Variants in MIB1 observed in about 807,000 individuals in gnomAD.
MIB1 encodes E3 ubiquitin-protein ligase MIB1.
A neutral mutation model predicts 124.5 loss-of-function variants in MIB1; 278 were observed. The ratio of observed to expected loss-of-function variants is 2.23; its 90% CI spans 2.02 to 2.47. The LOEUF (loss-of-function observed/expected upper bound fraction) is 2.47. Ranked by LOEUF, MIB1 falls within the 30% of genes most tolerant of loss-of-function variation. The probability of loss-of-function intolerance (pLI) is 0.00; values close to 1 mark genes in which losing one functional copy is unlikely to be tolerated. For synonymous variants in MIB1, 446 were observed against 429.4 expected, an observed-to-expected ratio of 1.04 and a Z score of -0.48; for missense variants, 957 against 1,254.4, an observed-to-expected ratio of 0.76 and a Z score of 3.58.
intron 6 of MIB1, among the ~76,000 whole-genome samples, chr18:21,789,399 T>C: frequency 6.6e-6 from 1 of 152,124 alleles, no homozygotes; most frequent in Non-Finnish European, 1.5e-5. Context: ...TGATTACATA[T>C]GTAAAGTCCC....
intron 9 of MIB1, among the ~76,000 whole-genome samples, chr18:21,800,659 T>C (rs2041640914): frequency 6.6e-6 from 1 of 152,090 alleles, no homozygotes; most frequent in South Asian, 2.1e-4. Flanking sequence ...ATTCTCACTG[T>C]GTTGTAAGGG....
intron 1 of MIB1, among the ~76,000 whole-genome samples, chr18:21,755,067 AT>A (rs112718729): frequency 2.0e-5 from 3 of 149,346 alleles, no homozygotes; most frequent in South Asian, 4.3e-4. Flanking sequence ...TCTTTAAGTC[AT>A]TTTTTTTTCA....
intron 1 of MIB1, among the ~76,000 whole-genome samples, chr18:21,742,037 A>G (rs1383426876): frequency 6.6e-6 from 1 of 152,212 alleles, no homozygotes; most frequent in Non-Finnish European, 1.5e-5. Flanking sequence ...TGGCAGCACC[A>G]TCACCGGGAT....
At chr18:21,809,793 A>G (rs1040769584) in intron 10 of MIB1, among the ~76,000 whole-genome samples, 13 of 152,120 alleles carry the variant, frequency 8.5e-5, no homozygotes, top group African/African-American at 2.9e-4. Context: ...CACAGTGAAC[A>G]TGATATTCAA....
rs145220259 is a variant in MIB1 at position 21,778,170 on chromosome 18, G to C, written c.703+1G>C. On this transcript the variant is annotated splice_donor_variant, in intron 5 of 20. Transcript: ENST00000261537. LOFTEE classifies it high-confidence loss of function. ...TACAGAGATCACTGCCCTGTGCTAG[G>C]TGAGTGAGAAGATTAGAGAGTATTA... The C allele has an allele frequency of 1.9e-6, 3 of 1,594,720 alleles. No individual in the cohort carries two copies. In the South Asian group the frequency reaches 3.3e-5, roughly 18 times the overall value.
chr18:21,724,766 A>G (rs1186619181), intron 1 of MIB1, among the ~76,000 whole-genome samples: 1 of 111,172 alleles, frequency 9.0e-6, no homozygotes, highest in East Asian at 2.7e-4. Context: ...ATATATATAT[A>G]TATATATTAG....
At chr18:21,731,362 T>G (rs1568178032) in intron 1 of MIB1, among the ~76,000 whole-genome samples, 1 of 152,220 alleles carries the variant, frequency 6.6e-6, no homozygotes, top group Admixed American at 6.5e-5. Flanking sequence ...TATTATTCTA[T>G]TGTATGACTA....
At chr18:21,729,903 T>C (rs1413458516) in intron 1 of MIB1, among the ~76,000 whole-genome samples, 1 of 152,208 alleles carries the variant, frequency 6.6e-6, no homozygotes, top group East Asian at 1.9e-4. Context: ...CATGCATTTT[T>C]TGGGGGACAA....
intron 1 of MIB1, among the ~76,000 whole-genome samples, chr18:21,746,945 T>C (rs536266668): frequency 3.9e-5 from 6 of 152,294 alleles, no homozygotes; most frequent in African/African-American, 1.4e-4. Flanking sequence ...AATGAATTAA[T>C]AATCCTCAGC....
chr18:21,743,143 T>C (rs1020917283), intron 1 of MIB1, among the ~76,000 whole-genome samples: 1 of 152,184 alleles, frequency 6.6e-6, no homozygotes, highest in Non-Finnish European at 1.5e-5. Context: ...AATGAAAAGA[T>C]TCAACAGCAC....
chr18:21,768,383 A>G (rs1338982674), intron 2 of MIB1, among the ~76,000 whole-genome samples: 3 of 152,320 alleles, frequency 2.0e-5, no homozygotes, highest in South Asian at 4.1e-4. Context: ...GTGCTTTTAC[A>G]TATTATATAA....
In MIB1 at chr18:21,865,639, T is replaced by G. The variant is rs2042315173; in HGVS notation, c.*973T>G. The stretch of plus-strand genomic sequence containing the variant: ...CCCAGTGATCTGCAAAATTAATGCC[T>G]TTTCCAAGAAAAAATCTTTTCTTCT... On this transcript the variant is annotated 3_prime_UTR_variant, in exon 21 of 21. Coordinates refer to ENST00000261537, the MANE Select transcript of MIB1 (RefSeq NM_020774.4). 1 of 152,636 alleles carries G rather than the reference T, an allele frequency of 6.6e-6. No individual in the cohort carries two copies. Among genetic ancestry groups the G allele is most frequent in the African/African-American group, 2.4e-5 (1 of 41,458 alleles). The allele number at this position is 152,636 out of a possible 1,614,324, so 9.5% of individuals were successfully genotyped here.
intron 20 of MIB1, among the ~76,000 whole-genome samples, chr18:21,860,238 C>G (rs753405556): frequency 1.3e-5 from 2 of 148,462 alleles, no homozygotes; most frequent in Non-Finnish European, 1.5e-5. Flanking sequence ...GTAGCTGGGA[C>G]TACAGGTGCA....
intron 12 of MIB1, among the ~76,000 whole-genome samples, chr18:21,837,325 G>A (rs187526493): frequency 2.6e-5 from 4 of 152,260 alleles, no homozygotes; most frequent in African/African-American, 4.8e-5. Context: ...TGGCTAACAC[G>A]GTGAAACCCC....
In MIB1 at chr18:21,844,128, G is replaced by A; in HGVS notation, c.2086G>A (p.Asp696Asn). ...TGCAGGTGCCAAGCTTGATATTCAG[G>A]ATAAGGATGGGGATACTCCTTTGCA... ...VRAGAKLDIQ[D>N]KDGDTPLHEA... The change falls in exon 15 of 21, where the codon GAT becomes AAT. Residue 696 changes from aspartate to asparagine, a missense_variant. Transcript: ENST00000261537. The A allele has an allele frequency of 6.2e-7, 1 of 1,613,982 alleles. No individual in the cohort carries two copies. Among genetic ancestry groups the A allele is most frequent in the Non-Finnish European group, 8.5e-7 (1 of 1,180,002 alleles).
intron 6 of MIB1, among the ~76,000 whole-genome samples, chr18:21,787,031 TC>T (rs111717883): frequency 0.033 from 4,990 of 151,696 alleles, 292 homozygotes; most frequent in African/African-American, 0.11. Context: ...TTTTTTTTTT[TC>T]CCAGTTTTTG....
At position 21,868,057 on chromosome 18, in the gene MIB1, A is replaced by G. The variant is rs369876147; in HGVS notation, c.*3391A>G. ...AAGCACTTATCCTATCAGAATGTCTACCATGTTTTATAGTAATAATTTGTG... is the reference window on the plus strand; with the variant it reads ...AAGCACTTATCCTATCAGAATGTCTGCCATGTTTTATAGTAATAATTTGTG... On this transcript the variant is annotated 3_prime_UTR_variant, in exon 21 of 21. Coordinates refer to ENST00000261537, the MANE Select transcript of MIB1 (RefSeq NM_020774.4). 2.0e-5 allele frequency: 3 copies of G among 152,164 alleles called. No homozygotes were observed. In the East Asian group the frequency reaches 5.8e-4, roughly 29 times the overall value. 9.4% of individuals were successfully genotyped at this position (152,164 alleles called of 1,614,324 possible).
At position 21,815,821 on chromosome 18, in the gene MIB1, CT is replaced by C; in HGVS notation, c.1677+11del. ...TGTCATCCCAGTCTCCAGGTAAAACCTTTAAAGAAACACATCCTGCAGGTAT... is the reference window on the plus strand; with the variant it reads ...TGTCATCCCAGTCTCCAGGTAAAACCTTAAAGAAACACATCCTGCAGGTAT... On this transcript the variant is annotated intron_variant, in intron 11 of 20. Coordinates refer to ENST00000261537, the MANE Select transcript of MIB1 (RefSeq NM_020774.4). The C allele has an allele frequency of 1.2e-6, 2 of 1,612,952 alleles. No individual in the cohort carries two copies. Among genetic ancestry groups the C allele is most frequent in the Non-Finnish European group, 1.7e-6 (2 of 1,179,012 alleles).
intron 1 of MIB1, among the ~76,000 whole-genome samples, chr18:21,743,088 A>G (rs2040873216): frequency 6.6e-6 from 1 of 152,210 alleles, no homozygotes; most frequent in African/African-American, 2.4e-5. Flanking sequence ...GGCTTCAGAT[A>G]GCTTTTTGAA....
Sources: allele counts gnomAD v4.1 joint callset (sites outside exome capture counted in the v4.1 genomes callset), GRCh38; gene constraint gnomAD v4.1.1; transcripts MANE v1.5; gene names NCBI Gene and HGNC (gene_info 2026-07-23, HGNC 2026-07-21).